The following CNTN4 variants were observed in gnomAD, a reference collection of about 807,000 sequenced individuals.
CNTN4 encodes the protein contactin 4.
A neutral mutation model predicts 122.5 loss-of-function variants in CNTN4; 77 were observed. The observed-to-expected ratio is 0.63, with a 90% CI of 0.52 to 0.76. CNTN4 has a LOEUF of 0.76. Among genes scored for constraint, CNTN4 ranks in the 30% least tolerant of loss-of-function variants. The probability of loss-of-function intolerance (pLI) is 0.00; values close to 1 mark genes in which losing one functional copy is unlikely to be tolerated. For missense variants in CNTN4, 1,256 were observed against 1,259.1 expected (o/e 1.00, Z 0.04); for synonymous variants, 512 against 447.0 (o/e 1.15, Z -1.83).
intron 7 of CNTN4, among the ~76,000 whole-genome samples, chr3:2,853,481 G>A (rs1186179278): frequency 5.3e-5 from 8 of 152,104 alleles, no homozygotes; most frequent in Admixed American, 5.2e-4. Flanking sequence ...CTGACCTTGT[G>A]ATCTGCCCAC....
intron 10 of CNTN4, among the ~76,000 whole-genome samples, chr3:2,898,389 C>T (rs1188875712): frequency 3.3e-5 from 5 of 152,122 alleles, no homozygotes; most frequent in Admixed American, 2.0e-4. Context: ...CACCTTGGCC[C>T]GCACAAATAA....
chr3:2,822,531 G>A (rs1295604256), intron 7 of CNTN4, among the ~76,000 whole-genome samples: 1 of 152,078 alleles, frequency 6.6e-6, no homozygotes, highest in Non-Finnish European at 1.5e-5. Flanking sequence ...TTTTTAATAT[G>A]GAATCTGATC....
intron 7 of CNTN4, among the ~76,000 whole-genome samples, chr3:2,854,296 G>C (rs2093594397): frequency 1.2e-5 from 1 of 81,654 alleles, no homozygotes; most frequent in Non-Finnish European, 2.3e-5. Flanking sequence ...TTTTGAGACA[G>C]AGTTTTGCTC....
chr3:2,317,213 T>C (rs574837629), intron 2 of CNTN4, among the ~76,000 whole-genome samples: 1 of 152,330 alleles, frequency 6.6e-6, no homozygotes, highest in South Asian at 2.1e-4. Flanking sequence ...CTAGACCTGA[T>C]GGATTATCAT....
intron 13 of CNTN4, among the ~76,000 whole-genome samples, chr3:2,950,041 A>G (rs1407828387): frequency 6.6e-6 from 1 of 152,252 alleles, no homozygotes; most frequent in Non-Finnish European, 1.5e-5. Context: ...TTTGCTTCGC[A>G]AAGATGTTTG....
chr3:2,683,676 C>T (rs1343008101), intron 4 of CNTN4, among the ~76,000 whole-genome samples: 1 of 151,998 alleles, frequency 6.6e-6, no homozygotes, highest in Admixed American at 6.6e-5. Context: ...GAACAAGAAC[C>T]CAGTAAGGTA....
At chr3:2,653,581 T>C (rs1203080372) in intron 4 of CNTN4, among the ~76,000 whole-genome samples, 1 of 152,216 alleles carries the variant, frequency 6.6e-6, no homozygotes, top group Admixed American at 6.5e-5. Flanking sequence ...TTTTCACTGA[T>C]GTAGATCTAG....
intron 6 of CNTN4, among the ~76,000 whole-genome samples, chr3:2,801,840 A>C (rs1443481949): frequency 6.6e-6 from 1 of 152,132 alleles, no homozygotes; most frequent in East Asian, 1.9e-4. Flanking sequence ...AAACCTCTTA[A>C]CTTTTCTGAG....
intron 6 of CNTN4, among the ~76,000 whole-genome samples, chr3:2,812,245 A>G (rs2092630424): frequency 6.6e-6 from 1 of 152,206 alleles, no homozygotes; most frequent in East Asian, 1.9e-4. Context: ...ACCTGTAACA[A>G]ACCTGCACAT....
chr3:2,589,789 G>GGTA (rs1181932664), intron 4 of CNTN4, among the ~76,000 whole-genome samples: 1 of 152,116 alleles, frequency 6.6e-6, no homozygotes, highest in Non-Finnish European at 1.5e-5. Flanking sequence ...AGGTGTTGAC[G>GGTA]GTAGGCCTCT....
chr3:2,108,129 C>T (rs1025727921), intron 2 of CNTN4, among the ~76,000 whole-genome samples: 19 of 151,028 alleles, frequency 1.3e-4, no homozygotes, highest in African/African-American at 4.6e-4. Flanking sequence ...CTGTAACAAT[C>T]TAATCACCCA....
rs11720801 is a variant in CNTN4 at position 2,234,882 on chromosome 3, A to G, written c.-144-104296A>G. ...TCTCACTCACAAAAGATTCAAGTTTATGCTAACTGGAGACCAGAAACTTGT... is the reference window on the plus strand; with the variant it reads ...TCTCACTCACAAAAGATTCAAGTTTGTGCTAACTGGAGACCAGAAACTTGT... On this transcript the variant is annotated intron_variant, in intron 2 of 24. Coordinates refer to ENST00000418658, the MANE Select transcript of CNTN4 (RefSeq NM_175607.3). 1.8e-3 allele frequency among the ~76,000 whole-genome samples: 269 copies of G among 152,294 alleles called. 2 individuals carry two copies. The highest frequency in any genetic ancestry group is 5.2e-3 in the South Asian group (25 of 4,830).
chr3:2,170,167 A>C (rs1329103319), intron 2 of CNTN4, among the ~76,000 whole-genome samples: 1 of 144,320 alleles, frequency 6.9e-6, no homozygotes, highest in African/African-American at 2.8e-5. Context: ...TAAAAATACA[A>C]AAAATTAGCC....
At chr3:2,305,297 A>T (rs968582068) in intron 2 of CNTN4, among the ~76,000 whole-genome samples, 1 of 152,180 alleles carries the variant, frequency 6.6e-6, no homozygotes, top group African/African-American at 2.4e-5. Flanking sequence ...CATATGTGAC[A>T]ACTGAGAGGG....
intron 2 of CNTN4, among the ~76,000 whole-genome samples, chr3:2,178,423 T>G (rs1465367542): frequency 6.6e-6 from 1 of 151,874 alleles, no homozygotes; most frequent in Non-Finnish European, 1.5e-5. Flanking sequence ...TTTGCTTTAA[T>G]AGATTCATGT....
In CNTN4 at chr3:2,430,422, CAAAAAAAAA is replaced by C. The variant is rs545639324; in HGVS notation, c.-89+91200_-89+91208del. Among the ~76,000 whole-genome samples, 235 of 60,202 alleles carry C rather than the reference CAAAAAAAAA, an allele frequency of 3.9e-3. 2 individuals are homozygous for C. The highest frequency in any genetic ancestry group is 0.013 in the African/African-American group (228 of 17,426). 39.5% of individuals were successfully genotyped at this position (60,202 alleles called of 152,430 possible). ...GGGTGACAGAGCAAGACTCTTGTCT[CAAAAAAAAA>C]AAAAAAAAAAGGAAATGCAGAAATC... is the stretch of plus-strand genomic sequence containing the variant. On this transcript the variant is annotated intron_variant, in intron 3 of 24. Coordinates refer to ENST00000418658, the MANE Select transcript of CNTN4 (RefSeq NM_175607.3).
rs764462108 is a variant in CNTN4 at position 3,034,685 on chromosome 3, G to T, written c.1837G>T (p.Ala613Ser). 6.2e-7 allele frequency: 1 copy of T among 1,614,068 alleles called. No individual in the cohort carries two copies. Among genetic ancestry groups the T allele is most frequent in the South Asian group, 1.1e-5 (1 of 91,054 alleles). Residue 613 changes from alanine (A) to serine (S), a missense_variant, in exon 17 of 25, where the codon GCT becomes TCT. Ala to Ser is a moderately conservative substitution (Grantham distance 99). Transcript: ENST00000418658. The part of the protein sequence containing the change: ...VTIDEITDTT[A>S]QLSWRPGPDN... ...AATAGACGAAATCACAGATACCACT[G>T]CTCAGCTCTCCTGGAGACCCGGGCC...
At chr3:2,839,109 A>G (rs1240964680) in intron 7 of CNTN4, among the ~76,000 whole-genome samples, 3 of 152,196 alleles carry the variant, frequency 2.0e-5, no homozygotes, top group African/African-American at 7.2e-5. Flanking sequence ...TTCAATTTTT[A>G]TTTAAGAGAT....
intron 14 of CNTN4, among the ~76,000 whole-genome samples, chr3:3,011,960 A>T (rs1214552852): frequency 6.6e-6 from 1 of 152,164 alleles, no homozygotes; most frequent in Non-Finnish European, 1.5e-5. Flanking sequence ...CACTGAAACC[A>T]TTCATCATGT....
Sources: gnomAD v4.1 joint callset for allele counts (sites outside exome capture counted in the v4.1 genomes callset) on GRCh38, gnomAD v4.1.1 for gene constraint, MANE v1.5 for transcripts, NCBI Gene and HGNC (gene_info 2026-07-23, HGNC 2026-07-21) for gene names.